SKIC2: variants seen among roughly 807,000 people sequenced by gnomAD.
The protein encoded by SKIC2 is SKI2 subunit of superkiller complex.
At chr6:31,960,249 C>T in the SKIC2 span, 12 of 1,613,016 alleles carry the variant, frequency 7.4e-6, no homozygotes, top group Admixed American at 3.3e-5. Context: ...GATCCCTGGT[C>T]TCTTTTGGCT....
chr6:31,968,345 C>T, the SKIC2 span: 3 of 1,612,834 alleles, frequency 1.9e-6, no homozygotes, highest in Non-Finnish European at 1.7e-6. This position sits in a 1 kb window ranked among gnomAD's most constrained non-coding sequence, Gnocchi z 6.1. Context: ...CCTCCCCTTG[C>T]AGCCGTGACC....
chr6:31,959,512 A>C, the SKIC2 span: 1 of 776,026 alleles, frequency 1.3e-6, no homozygotes, highest in South Asian at 1.5e-5. Flanking sequence ...ACTCCTGTCC[A>C]TCCCAGCCTG....
At chr6:31,962,002 A>G in the SKIC2 span, 1 of 1,613,066 alleles carries the variant, frequency 6.2e-7, no homozygotes, top group South Asian at 1.1e-5. The surrounding 1 kb of genome is among the most constrained non-coding windows in gnomAD (Gnocchi z 5.0). Flanking sequence ...ATCTGCAGGA[A>G]AAACAGTTGT....
chr6:31,963,152 G>A, the SKIC2 span: 19 of 1,193,258 alleles, frequency 1.6e-5, no homozygotes, highest in South Asian at 1.8e-4. This position sits in a 1 kb window ranked among gnomAD's most constrained non-coding sequence, Gnocchi z 5.3. Flanking sequence ...TGATTCGGGT[G>A]GGGGACTAAG....
chr6:31,959,958 G>A, the SKIC2 span: 1 of 1,287,172 alleles, frequency 7.8e-7, no homozygotes, highest in Non-Finnish European at 1.1e-6. Flanking sequence ...TCTTTTGTCT[G>A]CATTTTATCC....
chr6:31,968,297 C>T, the SKIC2 span: 8 of 1,558,726 alleles, frequency 5.1e-6, no homozygotes, highest in African/African-American at 4.1e-5. This position sits in a 1 kb window ranked among gnomAD's most constrained non-coding sequence, Gnocchi z 6.1. Context: ...GAAGATCTTA[C>T]CCCAGATCTT....
the SKIC2 span, chr6:31,963,437 T>C: frequency 1.2e-5 from 20 of 1,600,986 alleles, no homozygotes; most frequent in Non-Finnish European, 1.6e-5. The surrounding 1 kb of genome is among the most constrained non-coding windows in gnomAD (Gnocchi z 5.3). Flanking sequence ...GTCAGATCTA[T>C]GTGATTAGCA....
chr6:31,962,171 A>G, the SKIC2 span: 1 of 1,117,918 alleles, frequency 8.9e-7, no homozygotes, highest in African/African-American at 1.5e-5. This position sits in a 1 kb window ranked among gnomAD's most constrained non-coding sequence, Gnocchi z 5.0. Context: ...TGAGAGGTTC[A>G]GGGCTAAGAC....
At chr6:31,968,025 G>C in the SKIC2 span, 76 of 1,612,916 alleles carry the variant, frequency 4.7e-5, no homozygotes, top group Non-Finnish European at 6.0e-5. The surrounding 1 kb of genome is among the most constrained non-coding windows in gnomAD (Gnocchi z 6.1). Flanking sequence ...AAGGTGCTCC[G>C]GGTGAATGGG....
At chr6:31,963,757 C>T in the SKIC2 span, 1 of 1,530,810 alleles carries the variant, frequency 6.5e-7, no homozygotes, top group Non-Finnish European at 8.8e-7. The surrounding 1 kb of genome is among the most constrained non-coding windows in gnomAD (Gnocchi z 5.3). Flanking sequence ...GGGTTTTGTA[C>T]CTGCCAGCAC....
chr6:31,959,176 G>A, the SKIC2 span: 1 of 1,609,698 alleles, frequency 6.2e-7, no homozygotes, highest in Non-Finnish European at 8.5e-7. Flanking sequence ...CTGCCAGGCA[G>A]CTGCTGTGGC....
the SKIC2 span, chr6:31,965,996 C>T: frequency 5.0e-6 from 8 of 1,599,350 alleles, no homozygotes; most frequent in South Asian, 5.5e-5. This position sits in a 1 kb window ranked among gnomAD's most constrained non-coding sequence, Gnocchi z 5.6. Flanking sequence ...GATGGCAGAC[C>T]TGCACCGCAT....
chr6:31,963,972 G>A, the SKIC2 span: 1 of 1,612,426 alleles, frequency 6.2e-7, no homozygotes, highest in South Asian at 1.1e-5. This position sits in a 1 kb window ranked among gnomAD's most constrained non-coding sequence, Gnocchi z 5.3. Flanking sequence ...AGTTGCCCGT[G>A]GTGGTGTTCA....
the SKIC2 span, chr6:31,961,973 T>C: frequency 4.3e-6 from 7 of 1,612,898 alleles, no homozygotes; most frequent in Non-Finnish European, 5.9e-6. Flanking sequence ...CATGACTCTG[T>C]CTTTGTCGCA....
At chr6:31,967,111 G>A in the SKIC2 span, 3 of 1,612,074 alleles carry the variant, frequency 1.9e-6, no homozygotes, top group Non-Finnish European at 2.5e-6. This position sits in a 1 kb window ranked among gnomAD's most constrained non-coding sequence, Gnocchi z 4.9. Flanking sequence ...GCTGGGGGGA[G>A]GAACTGACAG....
At chr6:31,963,099 G>A in the SKIC2 span, 10 of 1,593,160 alleles carry the variant, frequency 6.3e-6, no homozygotes, top group African/African-American at 2.7e-5. This position sits in a 1 kb window ranked among gnomAD's most constrained non-coding sequence, Gnocchi z 5.3. Flanking sequence ...TGGGTGAGAC[G>A]TGTGTCCCGG....
the SKIC2 span, chr6:31,968,511 T>C: frequency 8.7e-6 from 14 of 1,612,658 alleles, no homozygotes; most frequent in African/African-American, 1.3e-5. This position sits in a 1 kb window ranked among gnomAD's most constrained non-coding sequence, Gnocchi z 6.1. Flanking sequence ...GGGCTCAGTG[T>C]GTACACAGCC....
At chr6:31,959,197 T>G in the SKIC2 span, 9 of 1,609,556 alleles carry the variant, frequency 5.6e-6, no homozygotes, top group Non-Finnish European at 7.6e-6. Flanking sequence ...TCCAGGATGA[T>G]GGAGACAGAG....
the SKIC2 span, chr6:31,967,484 T>A: frequency 1.1e-6 from 1 of 880,102 alleles, no homozygotes; most frequent in Non-Finnish European, 1.8e-6. The surrounding 1 kb of genome is among the most constrained non-coding windows in gnomAD (Gnocchi z 4.9). Flanking sequence ...GCCCTCATTT[T>A]CCCCTCTTGC....
Sources: allele counts gnomAD v4.1 joint callset, GRCh38; gene constraint gnomAD v4.1.1; non-coding constraint Gnocchi (gnomAD v3.1); transcripts MANE v1.5; gene names NCBI Gene and HGNC (gene_info 2026-07-23, HGNC 2026-07-21).